UBE2E3: variants seen among roughly 807,000 people sequenced by gnomAD.
UBE2E3 encodes the protein ubiquitin conjugating enzyme E2 E3, also known as ubiquitin-conjugating enzyme E2 E3.
A neutral mutation model predicts 23.6 loss-of-function variants in UBE2E3; 5 were observed. The observed-to-expected ratio is 0.21, with a 90% CI of 0.11 to 0.44. The LOEUF (loss-of-function observed/expected upper bound fraction) is 0.44, where lower values mean the gene tolerates loss of function less well. Among genes scored for constraint, UBE2E3 ranks in the 20% least tolerant of loss-of-function variants. The pLI, the probability that UBE2E3 is intolerant of heterozygous loss-of-function variation, is 0.99. For missense variants in UBE2E3, 81 were observed against 249.8 expected (o/e 0.32, Z 4.55); for synonymous variants, 78 against 87.5 (o/e 0.89, Z 0.60).
intron 3 of UBE2E3, among the ~76,000 whole-genome samples, chr2:181,016,039 T>C (rs370053986): frequency 9.1e-6 from 1 of 109,776 alleles, no homozygotes; most frequent in African/African-American, 3.0e-5. Context: ...TATAAAGTTA[T>C]AGGAAATTTT....
At chr2:180,985,109 T>A (rs886482479) in intron 3 of UBE2E3, among the ~76,000 whole-genome samples, 1 of 152,172 alleles carries the variant, frequency 6.6e-6, no homozygotes, top group Non-Finnish European at 1.5e-5. Context: ...CTTCTTATTG[T>A]GTATGTTAAC....
intron 3 of UBE2E3, among the ~76,000 whole-genome samples, chr2:181,053,008 A>G (rs1478916529): frequency 6.6e-6 from 1 of 151,634 alleles, no homozygotes; most frequent in Non-Finnish European, 1.5e-5. Flanking sequence ...CCTCTTAGTC[A>G]TTTCTTAGTC....
At chr2:181,008,139 C>G (rs570143507) in intron 3 of UBE2E3, among the ~76,000 whole-genome samples, 1 of 152,288 alleles carries the variant, frequency 6.6e-6, no homozygotes, top group Non-Finnish European at 1.5e-5. Flanking sequence ...TATGGGATCT[C>G]TGCGGTATAG....
At chr2:181,033,278 T>A (rs542353188) in intron 3 of UBE2E3, among the ~76,000 whole-genome samples, 1 of 152,274 alleles carries the variant, frequency 6.6e-6, no homozygotes, top group South Asian at 2.1e-4. Flanking sequence ...GACTTCAAAC[T>A]ATACTACAAG....
intron 4 of UBE2E3, 132 bp downstream of exon 4, chr2:181,057,957 G>A (rs1017051358): frequency 6.9e-5 from 63 of 911,546 alleles, no homozygotes; most frequent in African/African-American, 3.2e-4. Context: ...GGAAATTTTC[G>A]CATAATCAAG....
chr2:181,005,094 T>A (rs1232601278), intron 3 of UBE2E3, among the ~76,000 whole-genome samples: 1 of 152,216 alleles, frequency 6.6e-6, no homozygotes, highest in Non-Finnish European at 1.5e-5. Context: ...CAAACCAGCT[T>A]AAGTAAAACA....
intron 3 of UBE2E3, among the ~76,000 whole-genome samples, chr2:180,995,356 G>C (rs752293713): frequency 6.6e-6 from 1 of 152,094 alleles, no homozygotes; most frequent in African/African-American, 2.4e-5. Flanking sequence ...TTACAATATT[G>C]ATAAATACAG....
chr2:181,012,528 A>G (rs1225078501), intron 3 of UBE2E3, among the ~76,000 whole-genome samples: 1 of 152,150 alleles, frequency 6.6e-6, no homozygotes, highest in Admixed American at 6.6e-5. Flanking sequence ...ATTTTAAGTC[A>G]TTTATTTGAC....
At chr2:180,990,019 T>C in intron 3 of UBE2E3, 2 of 1,495,192 alleles carry the variant, frequency 1.3e-6, no homozygotes, top group Non-Finnish European at 1.8e-6. Flanking sequence ...AAATAGAAAG[T>C]GATTTTTTTT....
chr2:181,001,061 A>C (rs1354975375), intron 3 of UBE2E3, among the ~76,000 whole-genome samples: 2 of 152,230 alleles, frequency 1.3e-5, no homozygotes, highest in African/African-American at 4.8e-5. Context: ...ACTGACTCTT[A>C]AAGAGGCAAA....
At chr2:181,025,478 C>A (rs9808318) in intron 3 of UBE2E3, among the ~76,000 whole-genome samples, 118,501 of 151,726 alleles carry the variant, frequency 0.78, 46,560 homozygotes, top group East Asian at 0.91. Context: ...TCCTTTTCCT[C>A]TTTATTGTGT....
At chr2:181,005,136 C>T (rs1685111858) in intron 3 of UBE2E3, among the ~76,000 whole-genome samples, 1 of 152,184 alleles carries the variant, frequency 6.6e-6, no homozygotes, top group Non-Finnish European at 1.5e-5. Flanking sequence ...CTGATAAAGT[C>T]AGAGTAGATT....
intron 3 of UBE2E3, among the ~76,000 whole-genome samples, chr2:181,040,924 C>G (rs200772865): frequency 2.6e-4 from 39 of 152,054 alleles, no homozygotes; most frequent in Non-Finnish European, 5.0e-4. Context: ...GAGGTTCCTT[C>G]TGATGCTTCA....
intron 3 of UBE2E3, among the ~76,000 whole-genome samples, chr2:181,043,525 A>G (rs1686576953): frequency 6.6e-6 from 1 of 152,208 alleles, no homozygotes; most frequent in Non-Finnish European, 1.5e-5. Flanking sequence ...CTCATTATGT[A>G]TATGCAAATC....
At chr2:181,047,953 G>C (rs1025729704) in intron 3 of UBE2E3, among the ~76,000 whole-genome samples, 6 of 151,914 alleles carry the variant, frequency 3.9e-5, no homozygotes, top group African/African-American at 7.3e-5. Context: ...TCATTAGGTC[G>C]TTTCATTGTA....
chr2:181,003,253 AT>A (rs1685041063), intron 3 of UBE2E3, among the ~76,000 whole-genome samples: 1 of 152,124 alleles, frequency 6.6e-6, no homozygotes, highest in South Asian at 2.1e-4. Context: ...TATGAGTTTA[AT>A]TTTTTTATAT....
At chr2:181,051,059 C>T (rs1378984803) in intron 3 of UBE2E3, among the ~76,000 whole-genome samples, 1 of 151,784 alleles carries the variant, frequency 6.6e-6, no homozygotes, top group South Asian at 2.1e-4. Flanking sequence ...CCTTCCGGCC[C>T]AGAGGCAATA....
intron 3 of UBE2E3, among the ~76,000 whole-genome samples, chr2:181,004,167 A>G (rs1424462634): frequency 6.6e-6 from 1 of 152,232 alleles, no homozygotes; most frequent in Non-Finnish European, 1.5e-5. Context: ...CTTTCTCTGT[A>G]TTACACAGAG....
chr2:181,021,562 T>TCCCTC (rs1685681689), intron 3 of UBE2E3, among the ~76,000 whole-genome samples: 1 of 35,334 alleles, frequency 2.8e-5, no homozygotes, highest in African/African-American at 1.2e-4. Context: ...CTCCCTTCCT[T>TCCCTC]CCTTCCTTCC....
Sources: allele counts gnomAD v4.1 joint callset (sites outside exome capture counted in the v4.1 genomes callset), GRCh38; gene constraint gnomAD v4.1.1; transcripts MANE v1.5; gene names NCBI Gene and HGNC (gene_info 2026-07-23, HGNC 2026-07-21).